ANO9: variants seen among roughly 807,000 people sequenced by gnomAD.
ANO9 encodes the protein anoctamin 9, also known as anoctamin-9.
A neutral mutation model predicts 100.5 loss-of-function variants in ANO9; 80 were observed. The ratio of observed to expected loss-of-function variants is 0.80; its 90% CI spans 0.66 to 0.96. The LOEUF (loss-of-function observed/expected upper bound fraction) is 0.96. ANO9 is among the 40% of genes least tolerant of loss of function. The pLI, the probability that ANO9 is intolerant of heterozygous loss-of-function variation, is 0.00. For missense variants in ANO9, 1,064 were observed against 1,072.7 expected, an observed-to-expected ratio of 0.99 and a Z score of 0.11; for synonymous variants, 473 against 435.6, an observed-to-expected ratio of 1.09 and a Z score of -1.07.
intron 4 of ANO9, 36 bp downstream of exon 4, chr11:433,278 G>T: frequency 1.2e-6 from 2 of 1,602,560 alleles, no homozygotes; most frequent in Non-Finnish European, 1.7e-6. Context: ...GTGGCAAGGG[G>T]TTCTCCTGGC....
chr11:426,983 A>G (rs1201042397), intron 15 of ANO9, among the ~76,000 whole-genome samples: 1 of 152,158 alleles, frequency 6.6e-6, no homozygotes, highest in African/African-American at 2.4e-5. Context: ...CTGCCTCCAG[A>G]CAGGAGACCA....
intron 3 of ANO9, 87 bp from the exon 4 acceptor site, chr11:433,546 AGAACCCTCCCC>A (rs1849203501): frequency 3.5e-6 from 5 of 1,433,398 alleles, no homozygotes; most frequent in Non-Finnish European, 2.8e-6. Flanking sequence ...ATTCCACCTC[AGAACCCTCCCC>A]CCTCTATTCC....
Position 421,080 on chromosome 11 carries a change from T to G in ANO9, c.1393-38A>C. 1 of 1,586,402 alleles carries G rather than the reference T, an allele frequency of 6.3e-7. No individual in the cohort carries two copies. The highest frequency in any genetic ancestry group is 1.3e-5 in the African/African-American group (1 of 74,532). On this transcript the variant is annotated intron_variant, in intron 16 of 22. Coordinates refer to ENST00000332826, the MANE Select transcript of ANO9 (RefSeq NM_001012302.3). The surrounding 1 kb of genome is among the most constrained non-coding windows in gnomAD (Gnocchi z 6.8). ...ACAGGAGGAGATCAGGGAGGGGTCC[T>G]GGGGGACGGTCAGGGGAGCAGTGGC...
intron 15 of ANO9, among the ~76,000 whole-genome samples, chr11:425,207 C>A (rs10902163): frequency 0.041 from 82 of 2,008 alleles, 6 homozygotes; most frequent in African/African-American, 0.34. Context: ...CGGCGTGGAG[C>A]GACGGGACGC....
chr11:436,286 C>T (rs1334384853), intron 1 of ANO9, among the ~76,000 whole-genome samples: 5 of 152,022 alleles, frequency 3.3e-5, no homozygotes, highest in African/African-American at 7.2e-5. Context: ...AGGCTGGTCT[C>T]GAACTCCCGA....
intron 1 of ANO9, among the ~76,000 whole-genome samples, chr11:435,834 G>T (rs902644857): frequency 2.0e-5 from 2 of 99,812 alleles, no homozygotes; most frequent in Non-Finnish European, 4.5e-5. Context: ...ACATAATACG[G>T]TATAGTCTAG....
chr11:420,829 C>A lies in ANO9; in HGVS notation c.1522G>T (p.Ala508Ser), dbSNP rs755800261. Reference protein sequence around the residue: ...WVTHKCRSLRASESGHLPRDP... With the variant: ...WVTHKCRSLRSSESGHLPRDP... ...CGGGGCAGGTGCCCGGACTCGGAGG[C>A]CCGCAGAGAGCGGCACTTGTGGGTC... The change falls in exon 18 of 23, where the codon GCC becomes TCC. Residue 508 changes from alanine to serine, a missense_variant. Transcript: ENST00000332826. 6.3e-7 allele frequency: 1 copy of A among 1,591,442 alleles called. No homozygotes were observed. The highest frequency in any genetic ancestry group is 1.1e-5 in the South Asian group (1 of 89,640).
At chr11:418,859 G>C in intron 21 of ANO9, 29 bp downstream of exon 21, 2 of 1,613,644 alleles carry the variant, frequency 1.2e-6, no homozygotes, top group Non-Finnish European at 1.7e-6. Flanking sequence ...AGTTCAGAGG[G>C]CATTCTTGGG....
rs1445179733 is a variant in ANO9, at chr11:421,460, C to G, written c.1335-262G>C. Among the ~76,000 whole-genome samples the G allele has an allele frequency of 2.1e-5, 2 of 94,816 alleles. No homozygotes were observed. Among genetic ancestry groups the G allele is most frequent in the Non-Finnish European group, 4.3e-5 (2 of 46,124 alleles). 62.2% of individuals were successfully genotyped at this position (94,816 alleles called of 152,430 possible). ...GCGCGCGCACACACACACACACCCC[C>G]ACACAGGGGAGGCCACAGGCTCCCA... On this transcript the variant is annotated intron_variant, in intron 15 of 22. Coordinates refer to ENST00000332826, the MANE Select transcript of ANO9 (RefSeq NM_001012302.3). This position sits in a 1 kb window ranked among gnomAD's most constrained non-coding sequence, Gnocchi z 6.8.
intron 8 of ANO9, 39 bp from the exon 9 acceptor site, chr11:430,218 G>T: frequency 1.3e-6 from 2 of 1,550,410 alleles, no homozygotes; most frequent in Non-Finnish European, 8.7e-7. Flanking sequence ...GGCTCCTCCA[G>T]GCAGCAGGGC....
rs1193387795 is a variant in ANO9 at position 433,890 on chromosome 11, G to A, written c.129C>T (p.His43=). ...QWDYVLVAQR[H]TQRDPRQARQ... is the part of the protein sequence containing the mutation. ...GCGCCTGCCGGGGGTCTCTCTGGGT[G>A]TGACGTTGGGCCACGAGGACATAGT... The change falls in exon 3 of 23, where the codon CAC becomes CAT. Residue 43 remains histidine (H), a synonymous_variant. Coordinates refer to ENST00000332826, the MANE Select transcript of ANO9 (RefSeq NM_001012302.3). 6.4e-7 allele frequency: 1 copy of A among 1,563,996 alleles called. No individual in the cohort carries two copies. The highest frequency in any genetic ancestry group is 2.3e-5 in the East Asian group (1 of 42,974).
intron 1 of ANO9, among the ~76,000 whole-genome samples, chr11:437,698 G>T (rs1240930364): frequency 6.6e-6 from 1 of 152,264 alleles, no homozygotes; most frequent in Non-Finnish European, 1.5e-5. Context: ...CTCCCTGGGG[G>T]GGACTGGTGG....
chr11:420,395 G>C (rs1257790720), intron 19 of ANO9, 68 bp downstream of exon 19: 2 of 1,570,924 alleles, frequency 1.3e-6, no homozygotes, highest in Non-Finnish European at 8.6e-7. Flanking sequence ...GAGCCGGCCT[G>C]GCCAGCGGGA....
At chr11:420,398 C>A (rs551435916) in intron 19 of ANO9, 65 bp downstream of exon 19, 1 of 1,573,374 alleles carries the variant, frequency 6.4e-7, no homozygotes, top group Admixed American at 1.8e-5. Context: ...CCGGCCTGGC[C>A]AGCGGGAAGC....
intron 3 of ANO9, among the ~76,000 whole-genome samples, 153 bp from the exon 4 acceptor site, chr11:433,612 G>A (rs1168805688): frequency 4.1e-5 from 6 of 146,092 alleles, no homozygotes; most frequent in African/African-American, 1.6e-4. Flanking sequence ...CCAGAGCCAC[G>A]GAGCTGCCTC....
chr11:419,119 T>G, intron 20 of ANO9, 130 bp from the exon 21 acceptor site: 1 of 1,506,718 alleles, frequency 6.6e-7, no homozygotes. Context: ...CTGCGTCCAG[T>G]GGGACGGGGC....
rs960621050 is a variant in ANO9 at position 422,401 on chromosome 11, G to T, written c.1335-1203C>A. Among the ~76,000 whole-genome samples the T allele has an allele frequency of 2.6e-5, 4 of 152,262 alleles. No individual in the cohort carries two copies. The highest frequency in any genetic ancestry group is 4.4e-5 in the Non-Finnish European group (3 of 68,052). On this transcript the variant is annotated intron_variant, in intron 15 of 22. Coordinates refer to ENST00000332826, the MANE Select transcript of ANO9 (RefSeq NM_001012302.3). This position sits in a 1 kb window ranked among gnomAD's most constrained non-coding sequence, Gnocchi z 4.3. ...ATCTCACAAGGCAGATGGTATTAAGGCTGCTAATCAGCTGACTTTAAGACG... is the reference window on the plus strand; with the variant it reads ...ATCTCACAAGGCAGATGGTATTAAGTCTGCTAATCAGCTGACTTTAAGACG...
Position 425,717 on chromosome 11 carries a change from G to T in ANO9, c.1334+2371C>A, listed in dbSNP as rs11246154. Among the ~76,000 whole-genome samples the T allele has an allele frequency of 3.1e-3, 459 of 148,702 alleles. 2 individuals are homozygous for T. The highest frequency in any genetic ancestry group is 5.7e-3 in the South Asian group (27 of 4,712). On this transcript the variant is annotated intron_variant, in intron 15 of 22. Transcript: ENST00000332826. ...CTTCACCAATAGTTTTTTGTTTTTT[G>T]TTTTTTGTTTGTTTGTTTGTTTTGT...
intron 17 of ANO9, 29 bp from the exon 18 acceptor site, chr11:420,889 G>A (rs1848137294): frequency 6.3e-7 from 1 of 1,589,912 alleles, no homozygotes. Flanking sequence ...GGCAGGGAGG[G>A]CGCAGGGGGC....
Sources: gnomAD v4.1 joint callset for allele counts (sites outside exome capture counted in the v4.1 genomes callset) on GRCh38, gnomAD v4.1.1 for gene constraint, Gnocchi (gnomAD v3.1) non-coding constraint, MANE v1.5 for transcripts, NCBI Gene and HGNC (gene_info 2026-07-23, HGNC 2026-07-21) for gene names.